Variants in GPHN observed in about 807,000 individuals in gnomAD.
GPHN encodes gephyrin.
Under a neutral mutation model 95.5 loss-of-function variants are expected in GPHN, and 17 were observed. That is an observed-to-expected ratio of 0.18 (90% CI 0.12 to 0.27). The LOEUF is 0.27. GPHN is among the 10% of genes least tolerant of loss of function. The pLI is 1.00. For missense variants in GPHN, 660 were observed against 978.1 expected (o/e 0.67, Z 4.34); for synonymous variants, 320 against 322.5 (o/e 0.99, Z 0.08).
intron 1 of GPHN, among the ~76,000 whole-genome samples, chr14:66,657,614 T>C (rs1331498969): frequency 6.6e-6 from 1 of 152,188 alleles, no homozygotes; most frequent in Non-Finnish European, 1.5e-5. Flanking sequence ...TTGTAAATCA[T>C]AGGTCCCTTA....
At chr14:67,266,507 G>A in the GPHN span, among the ~76,000 whole-genome samples, 1 of 151,986 alleles carries the variant, frequency 6.6e-6, no homozygotes, top group African/African-American at 2.4e-5. Flanking sequence ...TGTATTTTTA[G>A]TAGAGACAGG....
chr14:66,584,273 TAAG>T (rs1242535784), intron 1 of GPHN, among the ~76,000 whole-genome samples: 1 of 152,170 alleles, frequency 6.6e-6, no homozygotes, highest in Non-Finnish European at 1.5e-5. Context: ...CTTATCAGCT[TAAG>T]GAGATTTTGG....
At chr14:67,022,341 G>A (rs2073673185) in intron 9 of GPHN, among the ~76,000 whole-genome samples, 1 of 151,140 alleles carries the variant, frequency 6.6e-6, no homozygotes, top group Non-Finnish European at 1.5e-5. Flanking sequence ...CCTCATTCTT[G>A]TGTCTTCTTC....
At chr14:67,578,784 A>G in the GPHN span, among the ~76,000 whole-genome samples, 1 of 152,100 alleles carries the variant, frequency 6.6e-6, no homozygotes, top group East Asian at 1.9e-4. The surrounding 1 kb of genome is among the most constrained non-coding windows in gnomAD (Gnocchi z 5.0). Flanking sequence ...CGTGTGCACA[A>G]ATGGGCACGT....
chr14:66,694,960 C>T (rs1006361561), intron 2 of GPHN, among the ~76,000 whole-genome samples: 4 of 152,044 alleles, frequency 2.6e-5, no homozygotes, highest in African/African-American at 9.7e-5. Flanking sequence ...GAGTTCATGA[C>T]CAAGCCTGGC....
chr14:67,592,420 A>G, the GPHN span: 1 of 518,290 alleles, frequency 1.9e-6, no homozygotes, highest in Non-Finnish European at 3.5e-6. Context: ...CCTAGGTGAC[A>G]AAGTGAGACT....
At chr14:67,230,548 G>T in the GPHN span, among the ~76,000 whole-genome samples, 1 of 151,866 alleles carries the variant, frequency 6.6e-6, no homozygotes, top group Non-Finnish European at 1.5e-5. Context: ...CTGCAGCCTG[G>T]GTGACAGAGC....
intron 3 of GPHN, among the ~76,000 whole-genome samples, chr14:66,795,983 C>G (rs1186360134): frequency 6.6e-6 from 1 of 152,056 alleles, no homozygotes. Context: ...TTACCCTCTC[C>G]CCCTCTACCC....
chr14:67,183,821 C>T (rs2083354516), downstream of GPHN, among the ~76,000 whole-genome samples: 2 of 151,212 alleles, frequency 1.3e-5, no homozygotes, highest in African/African-American at 4.9e-5. Flanking sequence ...GGATTACAGG[C>T]GTGAGCCACC....
the GPHN span, among the ~76,000 whole-genome samples, chr14:67,378,756 G>A: frequency 6.6e-6 from 1 of 152,096 alleles, no homozygotes; most frequent in Non-Finnish European, 1.5e-5. Flanking sequence ...TTCATGTAGG[G>A]ACTGTCCAGA....
chr14:66,912,802 A>C (rs1185996309), intron 5 of GPHN, among the ~76,000 whole-genome samples: 1 of 152,176 alleles, frequency 6.6e-6, no homozygotes, highest in Non-Finnish European at 1.5e-5. Flanking sequence ...TATGTACTAG[A>C]TTATACTGTA....
the GPHN span, chr14:67,204,682 G>GCCCTC: frequency 6.2e-7 from 1 of 1,613,908 alleles, no homozygotes; most frequent in South Asian, 1.1e-5. Flanking sequence ...TCAATGGGTG[G>GCCCTC]CCCTCATCTC....
At chr14:66,640,065 G>A (rs927617453) in intron 1 of GPHN, among the ~76,000 whole-genome samples, 1 of 152,106 alleles carries the variant, frequency 6.6e-6, no homozygotes, top group Non-Finnish European at 1.5e-5. Context: ...AGGTGCAATG[G>A]ATCATATTCT....
intron 17 of GPHN, among the ~76,000 whole-genome samples, chr14:67,129,904 T>G (rs1842368195): frequency 6.6e-6 from 1 of 151,758 alleles, no homozygotes; most frequent in African/African-American, 2.4e-5. Flanking sequence ...AAGAAAGTCT[T>G]TAATGTTACC....
intron 1 of GPHN, among the ~76,000 whole-genome samples, chr14:66,572,838 TC>T (rs1203534289): frequency 6.6e-6 from 1 of 152,212 alleles, no homozygotes. Flanking sequence ...TAGTTCCTGA[TC>T]AGAGAAGAAA....
chr14:67,458,107 GGA>G, the GPHN span, among the ~76,000 whole-genome samples: 1 of 152,184 alleles, frequency 6.6e-6, no homozygotes, highest in Non-Finnish European at 1.5e-5. Context: ...TGAAACCTGA[GGA>G]GAGCTGAGCC....
chr14:67,352,703 G>A, the GPHN span: 15 of 426,232 alleles, frequency 3.5e-5, no homozygotes, highest in African/African-American at 1.0e-4. Context: ...AGAGGCAGGC[G>A]GGGGGCCAAT....
At chr14:67,722,773 C>T in the GPHN span, 1 of 1,344,840 alleles carries the variant, frequency 7.4e-7, no homozygotes, top group Admixed American at 1.7e-5. Flanking sequence ...AGCCGGTTCT[C>T]AGCTGCTGAA....
At chr14:66,751,317 A>G (rs914706661) in intron 2 of GPHN, among the ~76,000 whole-genome samples, 2 of 152,064 alleles carry the variant, frequency 1.3e-5, no homozygotes, top group Admixed American at 1.3e-4. Context: ...CTAACAGTCT[A>G]TAAGCATTCT....
Sources: gnomAD v4.1 joint callset for allele counts (sites outside exome capture counted in the v4.1 genomes callset) on GRCh38, gnomAD v4.1.1 for gene constraint, Gnocchi (gnomAD v3.1) non-coding constraint, MANE v1.5 for transcripts, NCBI Gene and HGNC (gene_info 2026-07-23, HGNC 2026-07-21) for gene names.